LRP1B: variants seen among roughly 807,000 people sequenced by gnomAD.
The protein encoded by LRP1B is LDL receptor related protein 1B.
LRP1B carries 217 observed loss-of-function variants against 556.6 expected under a neutral mutation model. That is an observed-to-expected ratio of 0.39 (90% CI 0.35 to 0.44). The LOEUF (loss-of-function observed/expected upper bound fraction) is 0.44, where lower values mean the gene tolerates loss of function less well. Ranked by LOEUF, LRP1B falls within the 20% of genes least tolerant of loss-of-function variation. The pLI is 1.00. For synonymous variants in LRP1B, 2,047 were observed against 1,865.8 expected, an observed-to-expected ratio of 1.10 and a Z score of -2.50; for missense variants, 5,053 against 5,620.8, an observed-to-expected ratio of 0.90 and a Z score of 3.23.
intron 75 of LRP1B, among the ~76,000 whole-genome samples, chr2:140,353,361 T>C (rs1682061197): frequency 6.6e-6 from 1 of 152,104 alleles, no homozygotes; most frequent in Admixed American, 6.6e-5. Context: ...TTAAAATTTT[T>C]ACTTATTTAT....
At chr2:141,966,237 A>T (rs1701563139) in intron 1 of LRP1B, among the ~76,000 whole-genome samples, 1 of 151,950 alleles carries the variant, frequency 6.6e-6, no homozygotes, top group African/African-American at 2.4e-5. Flanking sequence ...ATAAGAGGGA[A>T]ACTAGAGAGT....
intron 43 of LRP1B, 132 bp from the exon 44 acceptor site, chr2:140,542,103 A>G: frequency 1.8e-6 from 1 of 564,748 alleles, no homozygotes; most frequent in African/African-American, 1.9e-5. Flanking sequence ...AGATAAAAAT[A>G]AAATTTTACT....
intron 2 of LRP1B, among the ~76,000 whole-genome samples, chr2:141,623,603 C>T (rs12992601): frequency 0.75 from 113,516 of 152,014 alleles, 42,987 homozygotes; most frequent in East Asian, 0.83. Flanking sequence ...ATCATGGTTT[C>T]ACCTTAGACT....
rs572413371 is a variant in LRP1B, at chr2:140,391,493, C to T, written c.10415-5484G>A. 4.9e-3 allele frequency among the ~76,000 whole-genome samples: 665 copies of T among 135,320 alleles called. 2 individuals are homozygous for T. The highest frequency in any genetic ancestry group is 7.8e-3 in the African/African-American group (312 of 40,230). The allele number at this position is 135,320 out of a possible 152,430, so 88.8% of individuals were successfully genotyped here. Reference sequence around the variant, plus strand: ...TATACTGTAGAAGAAACTCATCAAACGGAATAAGAGCTGTGTACTTCATTT... The same window carrying T: ...TATACTGTAGAAGAAACTCATCAAATGGAATAAGAGCTGTGTACTTCATTT... On this transcript the variant is annotated intron_variant, in intron 66 of 90. Transcript: ENST00000389484.
chr2:140,631,739 A>G (rs956326868), intron 41 of LRP1B, among the ~76,000 whole-genome samples: 1 of 146,680 alleles, frequency 6.8e-6, no homozygotes, highest in African/African-American at 2.6e-5. Context: ...AAATATTTGA[A>G]ATAATGGCTA....
intron 3 of LRP1B, among the ~76,000 whole-genome samples, chr2:141,449,859 G>A (rs1212021049): frequency 6.6e-6 from 1 of 152,130 alleles, no homozygotes; most frequent in Non-Finnish European, 1.5e-5. Context: ...ATAATTACCT[G>A]TTGTTGGAGT....
intron 7 of LRP1B, among the ~76,000 whole-genome samples, chr2:141,178,127 A>G (rs950810284): frequency 6.6e-6 from 1 of 152,066 alleles, no homozygotes; most frequent in Admixed American, 6.6e-5. Flanking sequence ...ATATCTTAAA[A>G]CCGGAAAAGG....
chr2:141,589,641 G>A (rs1304566330), intron 2 of LRP1B, among the ~76,000 whole-genome samples: 4 of 152,250 alleles, frequency 2.6e-5, no homozygotes, highest in Admixed American at 2.6e-4. Flanking sequence ...ACACTTATAA[G>A]AGAAAAAGGC....
chr2:141,722,462 C>T (rs991780429), intron 2 of LRP1B, among the ~76,000 whole-genome samples: 2 of 152,076 alleles, frequency 1.3e-5, no homozygotes, highest in Non-Finnish European at 2.9e-5. Flanking sequence ...TAATTTAGAG[C>T]ACATTAGTAC....
intron 84 of LRP1B, among the ~76,000 whole-genome samples, chr2:140,293,530 C>T (rs1279154986): frequency 6.6e-6 from 1 of 152,128 alleles, no homozygotes; most frequent in African/African-American, 2.4e-5. Flanking sequence ...CTCAGCACAA[C>T]TAAGAGCTGA....
chr2:140,905,816 T>C (rs879422157), intron 22 of LRP1B, among the ~76,000 whole-genome samples: 8 of 152,124 alleles, frequency 5.3e-5, no homozygotes, highest in Non-Finnish European at 1.2e-4. Flanking sequence ...TTACTTACTG[T>C]TTTACTAGTT....
Position 142,115,857 on chromosome 2 carries a change from T to G in LRP1B, c.82+14791A>C, listed in dbSNP as rs201637310. On this transcript the variant is annotated intron_variant, in intron 1 of 90. Coordinates refer to ENST00000389484, the MANE Select transcript of LRP1B (RefSeq NM_018557.3). ...TATATATGTAATATATATATATACA[T>G]ATATATATATATGGGGGAAGTGACA... Among the ~76,000 whole-genome samples the G allele has an allele frequency of 1.6e-3, 19 of 11,518 alleles. 9 individuals are homozygous for G. Among genetic ancestry groups the G allele is most frequent in the Non-Finnish European group, 3.3e-3 (17 of 5,102 alleles). The allele number at this position is 11,518 out of a possible 152,430, so 7.6% of individuals were successfully genotyped here.
chr2:142,093,123 T>C (rs1454681429), intron 1 of LRP1B, among the ~76,000 whole-genome samples: 1 of 152,120 alleles, frequency 6.6e-6, no homozygotes, highest in Non-Finnish European at 1.5e-5. Flanking sequence ...AAGTGACGAT[T>C]GCTTTGAAGT....
chr2:140,539,398 G>A (rs1339400287), intron 45 of LRP1B, among the ~76,000 whole-genome samples: 1 of 152,068 alleles, frequency 6.6e-6, no homozygotes, highest in East Asian at 1.9e-4. Flanking sequence ...CACAATGGAC[G>A]TCGTCTGCCT....
intron 3 of LRP1B, among the ~76,000 whole-genome samples, chr2:141,407,602 G>C (rs1048652820): frequency 2.0e-5 from 3 of 152,092 alleles, no homozygotes; most frequent in Middle Eastern, 6.8e-3. Context: ...AAAATTTGTG[G>C]CACCTTCCCC....
intron 43 of LRP1B, among the ~76,000 whole-genome samples, chr2:140,570,970 C>G (rs1052358619): frequency 7.9e-5 from 12 of 151,752 alleles, no homozygotes; most frequent in African/African-American, 2.7e-4. Flanking sequence ...TTCAAAATCC[C>G]TTCATTATAA....
intron 15 of LRP1B, among the ~76,000 whole-genome samples, chr2:140,999,831 G>A (rs779049602): frequency 5.3e-5 from 8 of 152,014 alleles, no homozygotes; most frequent in Admixed American, 2.6e-4. Flanking sequence ...CAAAAAAGGA[G>A]GGAATGGTAG....
intron 3 of LRP1B, among the ~76,000 whole-genome samples, chr2:141,281,932 ATCT>A (rs1174717105): frequency 6.6e-6 from 1 of 152,124 alleles, no homozygotes; most frequent in Non-Finnish European, 1.5e-5. Context: ...AACTTTACAA[ATCT>A]TCTGGGAAGA....
chr2:141,121,158 A>G (rs1701037939), intron 7 of LRP1B, among the ~76,000 whole-genome samples: 1 of 152,060 alleles, frequency 6.6e-6, no homozygotes, highest in African/African-American at 2.4e-5. Flanking sequence ...CATGAAATGA[A>G]AAAATTAAGA....
Sources: allele counts gnomAD v4.1 joint callset (sites outside exome capture counted in the v4.1 genomes callset), GRCh38; gene constraint gnomAD v4.1.1; transcripts MANE v1.5; gene names NCBI Gene and HGNC (gene_info 2026-07-23, HGNC 2026-07-21).